CFI: variants seen among roughly 807,000 people sequenced by gnomAD.
CFI encodes C3B/C4B inactivator.
A neutral mutation model predicts 78.8 loss-of-function variants in CFI; 66 were observed. That is an observed-to-expected ratio of 0.84 (90% confidence interval 0.69 to 1.03). The LOEUF (loss-of-function observed/expected upper bound fraction) is 1.03, where lower values mean the gene tolerates loss of function less well. Ranked by LOEUF, CFI falls within the 50% of genes least tolerant of loss-of-function variation. The pLI is 0.00. For synonymous variants in CFI, 250 were observed against 232.6 expected (o/e 1.07, Z -0.68); for missense variants, 706 against 704.5 (o/e 1.00, Z -0.02).
chr4:109,752,391 T>C, intron 8 of CFI, 77 bp downstream of exon 8: 1 of 1,272,544 alleles, frequency 7.9e-7, no homozygotes, highest in South Asian at 1.2e-5. Context: ...CTTGAATCAA[T>C]TATATATATG....
At chr4:109,798,519 T>A (rs115318911) in intron 1 of CFI, among the ~76,000 whole-genome samples, 7 of 33,764 alleles carry the variant, frequency 2.1e-4, no homozygotes, top group African/African-American at 5.8e-4. Context: ...TTTTTTTTTT[T>A]TAAAAAGACC....
chr4:109,760,539 A>C lies in CFI; in HGVS notation c.756T>G (p.Asp252Glu). Reference sequence around the variant, plus strand: ...TATGTCTACCTTTACAACACAGTTCATCACTTTGGTCTCCACAATCATTGA... The same window carrying C: ...TATGTCTACCTTTACAACACAGTTCCTCACTTTGGTCTCCACAATCATTGA... ...DGINDCGDQSDELCCKACQGK... is the reference protein window; with the variant it reads ...DGINDCGDQSEELCCKACQGK... The change falls in exon 5 of 13, where the codon GAT becomes GAG. Residue 252 changes from aspartate (D) to glutamate (E), a missense_variant. Transcript: ENST00000394634. 6.3e-7 allele frequency: 1 copy of C among 1,591,502 alleles called. No individual in the cohort carries two copies. The highest frequency in any genetic ancestry group is 8.6e-7 in the Non-Finnish European group (1 of 1,159,372).
At chr4:109,767,616 A>G (rs1340544807) in intron 1 of CFI, among the ~76,000 whole-genome samples, 1 of 150,838 alleles carries the variant, frequency 6.6e-6, no homozygotes, top group Non-Finnish European at 1.5e-5. Context: ...GGCGATCATT[A>G]AAAAGTCGGG....
At chr4:109,793,767 C>T (rs1437254015) in intron 1 of CFI, 5 of 152,306 alleles carry the variant, frequency 3.3e-5, no homozygotes, top group African/African-American at 9.6e-5. Flanking sequence ...TTAAGCAGTC[C>T]TCCTGCCTCA....
chr4:109,733,475 C>G, the CFI span, among the ~76,000 whole-genome samples: 1 of 152,170 alleles, frequency 6.6e-6, no homozygotes, highest in African/African-American at 2.4e-5. Flanking sequence ...TCTATATATA[C>G]TTTGTGGTGG....
At chr4:109,788,879 A>G (rs1376842599) in intron 1 of CFI, among the ~76,000 whole-genome samples, 1 of 152,134 alleles carries the variant, frequency 6.6e-6, no homozygotes, top group Non-Finnish European at 1.5e-5. Context: ...CAGAGAAGTC[A>G]TAAAATATGA....
intron 1 of CFI, among the ~76,000 whole-genome samples, chr4:109,793,183 T>A (rs1303316217): frequency 6.6e-6 from 1 of 152,200 alleles, no homozygotes; most frequent in Non-Finnish European, 1.5e-5. Context: ...GTGATTAAAT[T>A]TATAGTAATC....
At position 109,760,316 on chromosome 4, in the gene CFI, A is replaced by G. The variant is rs1726880251; in HGVS notation, c.837T>C (p.Asn279=). The G allele has an allele frequency of 2.5e-6, 4 of 1,614,046 alleles. No individual in the cohort carries two copies. The highest frequency in any genetic ancestry group is 1.7e-5 in the Admixed American group (1 of 59,998). Residue 279 remains asparagine, a synonymous_variant, in exon 6 of 13, where the codon AAT becomes AAC. Coordinates refer to ENST00000394634, the MANE Select transcript of CFI (RefSeq NM_000204.5). The part of the protein sequence containing the change: ...GVCIPSQYQC[N]GEVDCITGED... ...CCCCTGTAATGCAGTCCACCTCACC[A>G]TTGCATTGATACTGGCTTGGAATGC...
chr4:109,760,493 A>G (rs1006269350), intron 5 of CFI, 30 bp downstream of exon 5: 2 of 1,481,652 alleles, frequency 1.3e-6, no homozygotes, highest in South Asian at 1.1e-5. Flanking sequence ...AAATGAATTT[A>G]GAGGATTTAG....
chr4:109,776,038 A>G (rs1729192129), intron 1 of CFI, among the ~76,000 whole-genome samples: 1 of 152,202 alleles, frequency 6.6e-6, no homozygotes, highest in Admixed American at 6.5e-5. Flanking sequence ...GGGAGAAACC[A>G]GAGAAGAAAA....
Position 109,766,783 on chromosome 4 carries a change from G to C in CFI, c.99C>G (p.Cys33Trp). The C allele has an allele frequency of 6.2e-7, 1 of 1,614,104 alleles. No homozygotes were observed. The highest frequency in any genetic ancestry group is 8.5e-7 in the Non-Finnish European group (1 of 1,180,002). Residue 33 changes from cysteine to tryptophan, a missense_variant, in exon 2 of 13, where the codon TGC becomes TGG. Transcript: ENST00000394634. ...AGAGGTGAGTATATTTTTTTGCTAA[G>C]CACTTTTTCTCCACCAGATCCTCTT... ...TSQEDLVEKK[C>W]LAKKYTHLSC...
At position 109,742,361 on chromosome 4, in the gene CFI, A is replaced by G. The variant is rs1018386401; in HGVS notation, c.1534+130T>C. The stretch of plus-strand genomic sequence containing the variant: ...AGGGAAGGGACTGAAAGAGTTTGAG[A>G]GTGCTACAGCCAGAAGGCCAAATGG... On this transcript the variant is annotated intron_variant, in intron 12 of 12. Coordinates refer to ENST00000394634, the MANE Select transcript of CFI (RefSeq NM_000204.5). 7 of 706,548 alleles carry G rather than the reference A, an allele frequency of 9.9e-6. No homozygotes were observed. In the African/African-American group the frequency reaches 1.2e-4, roughly 12 times the overall value. The allele number at this position is 706,548 out of a possible 1,614,324, so 43.8% of individuals were successfully genotyped here.
downstream of CFI, among the ~76,000 whole-genome samples, chr4:109,738,602 T>C (rs1279934323): frequency 6.6e-6 from 1 of 152,160 alleles, no homozygotes; most frequent in Non-Finnish European, 1.5e-5. Context: ...GCTAAGGGAC[T>C]TCCAAAGCTG....
downstream of CFI, chr4:109,740,653 C>A: frequency 1.9e-6 from 1 of 525,016 alleles, no homozygotes; most frequent in Non-Finnish European, 3.5e-6. Context: ...ATCACTCCCG[C>A]ATTGAGATAA....
intron 11 of CFI, among the ~76,000 whole-genome samples, chr4:109,743,055 TTG>T (rs531085549): frequency 1.1e-3 from 166 of 152,364 alleles, no homozygotes; most frequent in Non-Finnish European, 1.7e-3. Context: ...TTGTGTGTTT[TTG>T]TGTGTCTGAG....
chr4:109,736,597 G>C (rs1183478436), downstream of CFI, among the ~76,000 whole-genome samples: 2 of 151,936 alleles, frequency 1.3e-5, no homozygotes, highest in African/African-American at 2.4e-5. Context: ...TATGGTGGGG[G>C]GTCTACCATC....
intron 9 of CFI, 51 bp from the exon 10 acceptor site, chr4:109,749,372 A>G: frequency 6.5e-7 from 1 of 1,541,898 alleles, no homozygotes. Context: ...TAGCGATACA[A>G]ACAGCCCTAA....
At chr4:109,796,291 C>A (rs1732051153) in intron 1 of CFI, among the ~76,000 whole-genome samples, 1 of 152,132 alleles carries the variant, frequency 6.6e-6, no homozygotes, top group Admixed American at 6.6e-5. Context: ...CCCAGAAAAA[C>A]TATCCTCTAA....
chr4:109,768,386 A>T (rs573077263), intron 1 of CFI, among the ~76,000 whole-genome samples: 2 of 151,190 alleles, frequency 1.3e-5, no homozygotes, highest in Non-Finnish European at 2.9e-5. Context: ...TGGCTTCTAG[A>T]CCCAGTTTTG....
Sources: allele counts gnomAD v4.1 joint callset (sites outside exome capture counted in the v4.1 genomes callset), GRCh38; gene constraint gnomAD v4.1.1; transcripts MANE v1.5; gene names NCBI Gene and HGNC (gene_info 2026-07-23, HGNC 2026-07-21).